The following ARB2A variants were observed in gnomAD, a reference collection of about 807,000 sequenced individuals.
The protein encoded by ARB2A is cotranscriptional regulator ARB2A.
At chr5:93,724,651 T>C in the ARB2A span, among the ~76,000 whole-genome samples, 12 of 152,032 alleles carry the variant, frequency 7.9e-5, no homozygotes, top group Non-Finnish European at 1.6e-4. Context: ...TTTTGAAATA[T>C]AGTCACTAGG....
chr5:94,042,398 C>T, the ARB2A span, among the ~76,000 whole-genome samples: 4 of 150,968 alleles, frequency 2.6e-5, no homozygotes, highest in Non-Finnish European at 4.4e-5. Flanking sequence ...CTCTGCCTCC[C>T]GGGCTCATGC....
At chr5:93,713,252 C>A in the ARB2A span, among the ~76,000 whole-genome samples, 3 of 151,984 alleles carry the variant, frequency 2.0e-5, no homozygotes, top group Non-Finnish European at 4.4e-5. Context: ...AGGAAACAAT[C>A]AACAAAGTGA....
the ARB2A span, among the ~76,000 whole-genome samples, chr5:93,864,026 T>C: frequency 6.6e-6 from 1 of 152,158 alleles, no homozygotes; most frequent in Non-Finnish European, 1.5e-5. Flanking sequence ...GTGTACCCAC[T>C]ATGTGCCAGA....
chr5:93,885,414 G>A, the ARB2A span, among the ~76,000 whole-genome samples: 1 of 151,586 alleles, frequency 6.6e-6, no homozygotes, highest in East Asian at 1.9e-4. Context: ...ACGATAAAAA[G>A]TTAGGTCACT....
At chr5:93,632,767 G>A in the ARB2A span, among the ~76,000 whole-genome samples, 1 of 152,018 alleles carries the variant, frequency 6.6e-6, no homozygotes. Flanking sequence ...TCACATATAA[G>A]GAATAAAATC....
At chr5:93,805,736 G>A in the ARB2A span, 13 of 985,152 alleles carry the variant, frequency 1.3e-5, no homozygotes, top group Non-Finnish European at 1.6e-5. Context: ...AAATGCATAT[G>A]TATACCTATT....
the ARB2A span, among the ~76,000 whole-genome samples, chr5:93,772,440 AAAACTT>A: frequency 6.6e-6 from 1 of 152,166 alleles, no homozygotes; most frequent in Non-Finnish European, 1.5e-5. Context: ...CATGTACCCT[AAAACTT>A]AAAGTATAAT....
chr5:93,935,258 A>G, the ARB2A span, among the ~76,000 whole-genome samples: 1 of 152,204 alleles, frequency 6.6e-6, no homozygotes, highest in Admixed American at 6.5e-5. Flanking sequence ...GAAAATTTAA[A>G]AAAAGATAAC....
chr5:93,997,076 C>T, the ARB2A span, among the ~76,000 whole-genome samples: 4 of 152,116 alleles, frequency 2.6e-5, no homozygotes, highest in East Asian at 5.8e-4. Context: ...ACCTCAGAGA[C>T]TACATTAATT....
chr5:93,759,572 G>A, the ARB2A span, among the ~76,000 whole-genome samples: 2 of 152,272 alleles, frequency 1.3e-5, no homozygotes, highest in East Asian at 1.9e-4. Context: ...TTCATGCCAG[G>A]AATGCAGGGA....
chr5:93,725,075 A>G, the ARB2A span, among the ~76,000 whole-genome samples: 34,658 of 151,912 alleles, frequency 0.23, 5,088 homozygotes, highest in African/African-American at 0.4. Context: ...AGAATGATGC[A>G]CAACTTAAAA....
chr5:93,844,208 C>T, the ARB2A span, among the ~76,000 whole-genome samples: 2 of 151,950 alleles, frequency 1.3e-5, no homozygotes, highest in African/African-American at 4.8e-5. Flanking sequence ...CTTTGGGAGG[C>T]CCAGGCGAGT....
At chr5:93,714,565 T>G in the ARB2A span, among the ~76,000 whole-genome samples, 1 of 152,338 alleles carries the variant, frequency 6.6e-6, no homozygotes, top group South Asian at 2.1e-4. Flanking sequence ...TATAGATGAT[T>G]TTTAGTTTGA....
At chr5:93,817,845 A>T in the ARB2A span, among the ~76,000 whole-genome samples, 29 of 152,290 alleles carry the variant, frequency 1.9e-4, no homozygotes, top group Admixed American at 7.2e-4. Context: ...AACTAGATAA[A>T]TTGGACTTCA....
At chr5:94,043,356 A>G in the ARB2A span, among the ~76,000 whole-genome samples, 1 of 152,228 alleles carries the variant, frequency 6.6e-6, no homozygotes, top group Non-Finnish European at 1.5e-5. Flanking sequence ...TGAGTAAAGT[A>G]TACTCCTGTG....
At chr5:93,741,745 A>G in the ARB2A span, 28 of 656,350 alleles carry the variant, frequency 4.3e-5, 1 homozygote, top group South Asian at 6.7e-4. Context: ...CCTAGGGTTA[A>G]GGGAGTGAGC....
chr5:93,669,910 CTA>C, the ARB2A span, among the ~76,000 whole-genome samples: 2 of 152,110 alleles, frequency 1.3e-5, no homozygotes, highest in Non-Finnish European at 2.9e-5. Flanking sequence ...TCTCTGATCT[CTA>C]GACTATTTCC....
the ARB2A span, among the ~76,000 whole-genome samples, chr5:93,821,347 A>T: frequency 1.2e-4 from 18 of 152,146 alleles, no homozygotes; most frequent in Admixed American, 4.6e-4. Context: ...ATCTTTAATC[A>T]AAAGTAAAAT....
the ARB2A span, among the ~76,000 whole-genome samples, chr5:94,019,504 AGACATTC>A: frequency 6.6e-6 from 1 of 152,264 alleles, no homozygotes. Flanking sequence ...TCTCAAAAGA[AGACATTC>A]ATGCAGCCAA....
Sources: allele counts gnomAD v4.1 joint callset (sites outside exome capture counted in the v4.1 genomes callset), GRCh38; gene constraint gnomAD v4.1.1; transcripts MANE v1.5; gene names NCBI Gene and HGNC (gene_info 2026-07-23, HGNC 2026-07-21).